The following CSNK1A1 variants were observed in gnomAD, a reference collection of about 807,000 sequenced individuals.
CSNK1A1 encodes the protein casein kinase I isoform alpha.
Under a neutral mutation model 46.1 loss-of-function variants are expected in CSNK1A1, and 7 were observed. That is an observed-to-expected ratio of 0.15 (90% CI 0.09 to 0.29). The LOEUF is 0.29. Among genes scored for constraint, CSNK1A1 ranks in the 10% least tolerant of loss-of-function variants. CSNK1A1 has a pLI of 1.00. For synonymous variants in CSNK1A1, 137 were observed against 141.5 expected, an observed-to-expected ratio of 0.97 and a Z score of 0.23; for missense variants, 96 against 417.1, an observed-to-expected ratio of 0.23 and a Z score of 6.71.
intron 2 of CSNK1A1, among the ~76,000 whole-genome samples, chr5:149,541,036 C>A (rs940907350): frequency 7.3e-5 from 11 of 151,676 alleles, no homozygotes; most frequent in Non-Finnish European, 1.3e-4. Context: ...GCCAAGATTG[C>A]GCCACTGCAC....
At chr5:149,507,230 G>T in intron 7 of CSNK1A1, 97 bp from the exon 8 acceptor site, 1 of 886,662 alleles carries the variant, frequency 1.1e-6, no homozygotes, top group Non-Finnish European at 1.7e-6. Flanking sequence ...TTTTGGGCGG[G>T]ATATTTTACC....
At chr5:149,522,707 A>G (rs1761609183) in intron 3 of CSNK1A1, among the ~76,000 whole-genome samples, 1 of 152,220 alleles carries the variant, frequency 6.6e-6, no homozygotes, top group African/African-American at 2.4e-5. Flanking sequence ...TTAGGTGTCA[A>G]CTACCTTAAA....
intron 2 of CSNK1A1, among the ~76,000 whole-genome samples, chr5:149,527,347 C>A (rs1336508074): frequency 6.6e-6 from 1 of 152,038 alleles, no homozygotes; most frequent in Admixed American, 6.6e-5. Context: ...AGGCTGGTCT[C>A]GAATTCCTGA....
chr5:149,513,373 C>T (rs1171890071), intron 4 of CSNK1A1, among the ~76,000 whole-genome samples, 164 bp from the exon 5 acceptor site: 1 of 151,832 alleles, frequency 6.6e-6, no homozygotes, highest in Non-Finnish European at 1.5e-5. Context: ...CCCCCATAAG[C>T]TTTTACTAGT....
In CSNK1A1 at chr5:149,495,757, A is replaced by G. The variant is rs906750974; in HGVS notation, c.*1096T>C. The G allele has an allele frequency of 6.6e-5, 10 of 152,010 alleles. No homozygotes were observed. The South Asian group carries it at 1.0e-3, about 16-fold the overall frequency. 9.4% of individuals were successfully genotyped at this position (152,010 alleles called of 1,614,324 possible). On this transcript the variant is annotated 3_prime_UTR_variant, in exon 10 of 10. Coordinates refer to ENST00000377843, the MANE Select transcript of CSNK1A1 (RefSeq NM_001892.6). ...GCCTGCAAGTCATAAAAAAAAAAAA[A>G]AAAAAAGAAAAAAATGAAAGAATGC...
intron 4 of CSNK1A1, 113 bp from the exon 5 acceptor site, chr5:149,513,322 C>T: frequency 2.0e-6 from 2 of 1,010,716 alleles, no homozygotes; most frequent in Non-Finnish European, 2.8e-6. Flanking sequence ...AATAAAGTAT[C>T]CTAAGTATTA....
chr5:149,534,692 A>T (rs1013320543), intron 2 of CSNK1A1, among the ~76,000 whole-genome samples: 1 of 151,974 alleles, frequency 6.6e-6, no homozygotes, highest in Non-Finnish European at 1.5e-5. Context: ...ACACTTTGGG[A>T]GGTCAAGATG....
chr5:149,520,624 G>A (rs769457148), intron 3 of CSNK1A1, among the ~76,000 whole-genome samples: 1 of 152,054 alleles, frequency 6.6e-6, no homozygotes, highest in Non-Finnish European at 1.5e-5. Flanking sequence ...CCATGGCAGG[G>A]TCTAACCCCA....
chr5:149,502,652 G>C, intron 9 of CSNK1A1: 1 of 981,870 alleles, frequency 1.0e-6, no homozygotes. Flanking sequence ...TGGAATAACA[G>C]GCATGAGCCA....
chr5:149,550,331 A>T lies in CSNK1A1; in HGVS notation c.124-150T>A, dbSNP rs1448358399. On this transcript the variant is annotated intron_variant, in intron 1 of 9. Transcript: ENST00000377843. This position sits in a 1 kb window ranked among gnomAD's most constrained non-coding sequence, Gnocchi z 4.3. ...GAAAGCTCTCGGTAATTATAAAACG[A>T]GGCAACCAGCCTCAAAGGCCTCTTC... The T allele has an allele frequency of 2.8e-6, 4 of 1,437,486 alleles. No individual in the cohort carries two copies. The highest frequency in any genetic ancestry group is 3.6e-6 in the Non-Finnish European group (4 of 1,100,250). The allele number at this position is 1,437,486 out of a possible 1,614,324, so 89.0% of individuals were successfully genotyped here. A position where few individuals can be genotyped will look rare whatever the true frequency, so the allele number is the denominator to read the frequency against.
At chr5:149,540,361 A>G (rs1045568333) in intron 2 of CSNK1A1, among the ~76,000 whole-genome samples, 4 of 152,152 alleles carry the variant, frequency 2.6e-5, no homozygotes, top group African/African-American at 9.7e-5. Context: ...CAAAATCCCC[A>G]TTAAAGGGCC....
At chr5:149,507,830 G>A (rs1421054607) in intron 7 of CSNK1A1, among the ~76,000 whole-genome samples, 1 of 152,046 alleles carries the variant, frequency 6.6e-6, no homozygotes, top group East Asian at 1.9e-4. Context: ...TCATTAACTT[G>A]TTCTTTATAA....
At position 149,549,119 on chromosome 5, in the gene CSNK1A1, A is replaced by C. The variant is rs553415735; in HGVS notation, c.230+956T>G. ...ACTCACCAATATTCCACACCAACAA[A>C]GGCCCCAATTTCTCTGATGTGAAGA... On this transcript the variant is annotated intron_variant, in intron 2 of 9. Coordinates refer to ENST00000377843, the MANE Select transcript of CSNK1A1 (RefSeq NM_001892.6). Among the ~76,000 whole-genome samples the C allele has an allele frequency of 4.6e-5, 7 of 152,292 alleles. No individual in the cohort carries two copies. The South Asian group carries it at 1.5e-3, about 32-fold the overall frequency.
chr5:149,550,872 G>T lies in CSNK1A1; in HGVS notation c.93C>A (p.Ile31=), dbSNP rs370653184. The T allele has an allele frequency of 1.9e-6, 3 of 1,614,132 alleles. No individual in the cohort carries two copies. The highest frequency in any genetic ancestry group is 2.5e-6 in the Non-Finnish European group (3 of 1,180,000). ...CGTTGGTGATGTTGATCGCCAAATAGATGTCCCCGAAGGAGCCAGACCCGA... is the reference window on the plus strand; with the variant it reads ...CGTTGGTGATGTTGATCGCCAAATATATGTCCCCGAAGGAGCCAGACCCGA... ...RKIGSGSFGD[I]YLAINITNGE... Residue 31 remains isoleucine (I), a synonymous_variant, in exon 1 of 10, where the codon ATC becomes ATA. Transcript: ENST00000377843. The surrounding 1 kb of genome is among the most constrained non-coding windows in gnomAD (Gnocchi z 4.3).
rs2113064355 is a variant in CSNK1A1, at chr5:149,504,432, CA to C, written c.1006+1014del. The C allele has an allele frequency of 7.1e-6, 7 of 984,848 alleles. No homozygotes were observed. In the South Asian group the frequency reaches 3.3e-4, roughly 46 times the overall value. The allele number at this position is 984,848 out of a possible 1,614,324, so 61.0% of individuals were successfully genotyped here. On this transcript the variant is annotated intron_variant, in intron 9 of 9. Coordinates refer to ENST00000377843, the MANE Select transcript of CSNK1A1 (RefSeq NM_001892.6). ...TATAAAGGCCAAGTTCAGACTAGGG[CA>C]GTATTCAGAAATTTAAAAATTAGAA... is the stretch of plus-strand genomic sequence containing the variant.
Position 149,502,518 on chromosome 5 carries a change from TTTG to T in CSNK1A1, c.1006+2926_1006+2928del, listed in dbSNP as rs199726123. The stretch of plus-strand genomic sequence containing the variant: ...ACTACTGCGCCTGGCGCTTTTTTTT[TTTG>T]GGGGGGGGGGGGTTGGGGACGATGT... On this transcript the variant is annotated intron_variant, in intron 9 of 9. Transcript: ENST00000377843. The T allele has an allele frequency of 3.4e-3, 189 of 55,234 alleles. 8 individuals are homozygous for T. In the East Asian group the frequency reaches 0.19, roughly 55 times the overall value. The allele number at this position is 55,234 out of a possible 1,614,324, so 3.4% of individuals were successfully genotyped here.
At position 149,551,007 on chromosome 5, in the gene CSNK1A1, T is replaced by G. The variant is rs1331389157; in HGVS notation, c.-43A>C. 1 of 1,612,042 alleles carries G rather than the reference T, an allele frequency of 6.2e-7. No homozygotes were observed. Among genetic ancestry groups the G allele is most frequent in the Admixed American group, 1.7e-5 (1 of 59,946 alleles). On this transcript the variant is annotated 5_prime_UTR_variant, in exon 1 of 10. Coordinates refer to ENST00000377843, the MANE Select transcript of CSNK1A1 (RefSeq NM_001892.6). ...GAGGCTGGGGCCAAGCCCCGACACC[T>G]CTGGGAAGAGGACGGAGGCCTCGGG...
chr5:149,498,387 T>C (rs761296977), intron 9 of CSNK1A1: 40 of 985,328 alleles, frequency 4.1e-5, no homozygotes, highest in Middle Eastern at 1.0e-3. Context: ...TTGATGCATG[T>C]TATTAAGAAG....
Position 149,517,238 on chromosome 5 carries a change from C to T in CSNK1A1, c.456+3052G>A, listed in dbSNP as rs1761430395. 1.3e-5 allele frequency among the ~76,000 whole-genome samples: 2 copies of T among 151,944 alleles called. No individual in the cohort carries two copies. The highest frequency in any genetic ancestry group is 4.8e-5 in the African/African-American group (2 of 41,352). ...AATGCAGTATCTTCTAGTTCCAGAG[C>T]CTATAATGCTCTGTAAATATCCATT... On this transcript the variant is annotated intron_variant, in intron 4 of 9. Coordinates refer to ENST00000377843, the MANE Select transcript of CSNK1A1 (RefSeq NM_001892.6). The surrounding 1 kb of genome is among the most constrained non-coding windows in gnomAD (Gnocchi z 4.4).
Sources: gnomAD v4.1 joint callset for allele counts (sites outside exome capture counted in the v4.1 genomes callset) on GRCh38, gnomAD v4.1.1 for gene constraint, Gnocchi (gnomAD v3.1) non-coding constraint, MANE v1.5 for transcripts, NCBI Gene and HGNC (gene_info 2026-07-23, HGNC 2026-07-21) for gene names.